DHRSX: variants seen among roughly 807,000 people sequenced by gnomAD.
The protein encoded by DHRSX is polyprenol dehydrogenase.
A neutral mutation model predicts 34.0 loss-of-function variants in DHRSX; 31 were observed. The ratio of observed to expected loss-of-function variants is 0.91; its 90% CI spans 0.69 to 1.23. The LOEUF (loss-of-function observed/expected upper bound fraction) is 1.23. Among genes scored for constraint, DHRSX ranks in the 50% most tolerant of loss-of-function variants. The pLI is 0.00. For missense variants in DHRSX, 414 were observed against 428.1 expected, an observed-to-expected ratio of 0.97 and a Z score of 0.29; for synonymous variants, 201 against 183.8, an observed-to-expected ratio of 1.09 and a Z score of -0.76.
At chrX:2,402,938 G>A (rs1461197661) in intron 3 of DHRSX, among the ~76,000 whole-genome samples, 6 of 145,252 alleles carry the variant, frequency 4.1e-5, no homozygotes, top group African/African-American at 7.7e-5. Context: ...GTTGGAGTGC[G>A]GTGGCACAAT....
At chrX:2,461,992 G>A (rs2044408644) in intron 1 of DHRSX, among the ~76,000 whole-genome samples, 1 of 152,132 alleles carries the variant, frequency 6.6e-6, no homozygotes. Context: ...GGCTGGCCAT[G>A]CAGCTGTTTT....
intron 3 of DHRSX, among the ~76,000 whole-genome samples, chrX:2,373,301 T>C (rs2043101848): frequency 6.6e-6 from 1 of 152,138 alleles, no homozygotes; most frequent in Admixed American, 6.5e-5. Flanking sequence ...AGCCATCCCA[T>C]CGTTACAGAG....
At chrX:2,449,259 G>T (rs1275312886) in intron 1 of DHRSX, among the ~76,000 whole-genome samples, 3 of 151,888 alleles carry the variant, frequency 2.0e-5, no homozygotes, top group Non-Finnish European at 4.4e-5. Context: ...ATCACACGAG[G>T]TCATCTCACA....
rs766504753 is a variant in DHRSX, at chrX:2,451,158, G to A, written c.110-25854C>T. Among the ~76,000 whole-genome samples, 4 of 151,902 alleles carry A rather than the reference G, an allele frequency of 2.6e-5. 1 individual carries two copies. The South Asian group carries it at 6.3e-4, about 24-fold the overall frequency. ...TGTGGCAGGAGAATCGCTTGAACCC[G>A]GGAGGCGGAGGGTGCAGTGAGCTGA... is the stretch of plus-strand genomic sequence containing the variant. On this transcript the variant is annotated intron_variant, in intron 1 of 6. Transcript: ENST00000334651.
chrX:2,291,516 A>T lies in DHRSX; in HGVS notation c.374T>A (p.Val125Asp), dbSNP rs746262016. The change falls in exon 4 of 7, where the codon GTC (valine) becomes GAC (aspartate). Residue 125 changes from valine to aspartate, a missense_variant. Physicochemically the swap from Val to Asp is radical, Grantham distance 152. Coordinates refer to ENST00000334651, the MANE Select transcript of DHRSX (RefSeq NM_145177.3). Reference sequence around the variant, plus strand: ...CCAGGACTCACCATTGTTGATCAGGACATGGAGAGGAATCTTCTTCATCTT... The same window carrying T: ...CCAGGACTCACCATTGTTGATCAGGTCATGGAGAGGAATCTTCTTCATCTT... ...KFKMKKIPLH[V>D]LINNAGVMMV... 6.2e-7 allele frequency: 1 copy of T among 1,613,730 alleles called. No homozygotes were observed. Among genetic ancestry groups the T allele is most frequent in the South Asian group, 1.1e-5 (1 of 91,066 alleles).
chrX:2,464,412 C>T (rs2044453161), intron 1 of DHRSX, among the ~76,000 whole-genome samples: 6 of 78,750 alleles, frequency 7.6e-5, no homozygotes, highest in Admixed American at 6.8e-4. Flanking sequence ...CTACCATATA[C>T]ACACTGAAGA....
rs775356500 is a variant in DHRSX, at chrX:2,220,441, G to C, written c.*600C>G. 6.5e-6 allele frequency: 1 copy of C among 152,944 alleles called. No homozygotes were observed. Among genetic ancestry groups the C allele is most frequent in the African/African-American group, 2.4e-5 (1 of 41,410 alleles). The allele number at this position is 152,944 out of a possible 1,614,324, so 9.5% of individuals were successfully genotyped here. On this transcript the variant is annotated 3_prime_UTR_variant, in exon 7 of 7. Transcript: ENST00000334651. ...ACCATTTGATCCATAGCTGTTCAGCGGTTTACATTCTCGGATTTGACAGTG... is the reference window on the plus strand; with the variant it reads ...ACCATTTGATCCATAGCTGTTCAGCCGTTTACATTCTCGGATTTGACAGTG...
intron 3 of DHRSX, among the ~76,000 whole-genome samples, chrX:2,357,077 C>G (rs375363790): frequency 6.6e-6 from 1 of 152,040 alleles, no homozygotes; most frequent in African/African-American, 2.4e-5. Flanking sequence ...AACCCCGTCT[C>G]TACTGAAAAT....
intron 5 of DHRSX, among the ~76,000 whole-genome samples, chrX:2,259,315 T>TATATAGATAGATATAG (rs2041323967): frequency 6.8e-6 from 1 of 146,760 alleles, no homozygotes; most frequent in Non-Finnish European, 1.5e-5. Flanking sequence ...TAGATATAGA[T>TATATAGATAGATATAG]ATATAGATAG....
At chrX:2,465,023 T>C (rs2044470501) in intron 1 of DHRSX, among the ~76,000 whole-genome samples, 1 of 151,540 alleles carries the variant, frequency 6.6e-6, no homozygotes, top group Admixed American at 6.6e-5. Flanking sequence ...TCCCTAAGAA[T>C]GCAGTCACAG....
chrX:2,390,644 T>G (rs1485722934), intron 3 of DHRSX, among the ~76,000 whole-genome samples: 2 of 152,166 alleles, frequency 1.3e-5, no homozygotes, highest in African/African-American at 4.8e-5. Flanking sequence ...CACCTTTTCC[T>G]CGCCCAACCC....
At chrX:2,318,230 G>A (rs1281006961) in intron 3 of DHRSX, among the ~76,000 whole-genome samples, 5 of 151,190 alleles carry the variant, frequency 3.3e-5, no homozygotes, top group Non-Finnish European at 7.4e-5. Context: ...TGTGGTGATG[G>A]TGGTGCATGC....
chrX:2,428,318 C>T (rs1453452785), intron 1 of DHRSX, among the ~76,000 whole-genome samples: 1 of 152,072 alleles, frequency 6.6e-6, no homozygotes, highest in Non-Finnish European at 1.5e-5. Flanking sequence ...ACGACACACA[C>T]ACGTATGTTT....
At chrX:2,351,427 T>A (rs1343876920) in intron 3 of DHRSX, among the ~76,000 whole-genome samples, 2 of 152,190 alleles carry the variant, frequency 1.3e-5, no homozygotes, top group Non-Finnish European at 1.5e-5. Flanking sequence ...ACATGAGCTC[T>A]GGCACTTGTC....
At chrX:2,451,447 G>C (rs1462741196) in intron 1 of DHRSX, among the ~76,000 whole-genome samples, 1 of 152,154 alleles carries the variant, frequency 6.6e-6, no homozygotes, top group Admixed American at 6.5e-5. Flanking sequence ...TTCAGGTTCT[G>C]AACCTCTGAT....
chrX:2,248,650 A>G (rs1449039176), intron 5 of DHRSX, among the ~76,000 whole-genome samples: 2 of 95,092 alleles, frequency 2.1e-5, no homozygotes, highest in Non-Finnish European at 6.8e-5. Context: ...AAAGAAAAAG[A>G]AAGAAAAGAA....
chrX:2,303,305 G>T (rs1187553566), intron 3 of DHRSX, among the ~76,000 whole-genome samples: 3 of 152,164 alleles, frequency 2.0e-5, no homozygotes, highest in South Asian at 2.1e-4. Flanking sequence ...AATCCGCAGT[G>T]TTGGAGGAGT....
rs1359065222 is a variant in DHRSX, at chrX:2,266,201, T to G, written c.596+539A>C. ...GCACTGTCCCCAGAGCACCAGTGCT[T>G]GGCAGACGCAGGGAGCACTGTCCCC... On this transcript the variant is annotated intron_variant, in intron 5 of 6. Transcript: ENST00000334651. 1.7e-4 allele frequency among the ~76,000 whole-genome samples: 8 copies of G among 47,440 alleles called. 1 individual carries two copies. In the East Asian group the frequency reaches 3.0e-3, roughly 18 times the overall value. 31.1% of individuals were successfully genotyped at this position (47,440 alleles called of 152,430 possible).
chrX:2,364,902 T>C (rs1391214279), intron 3 of DHRSX, among the ~76,000 whole-genome samples: 1 of 152,224 alleles, frequency 6.6e-6, no homozygotes, highest in Non-Finnish European at 1.5e-5. Flanking sequence ...CTAGCTATTA[T>C]CTATCTAGCT....
Sources: gnomAD v4.1 joint callset for allele counts (sites outside exome capture counted in the v4.1 genomes callset) on GRCh38, gnomAD v4.1.1 for gene constraint, MANE v1.5 for transcripts, NCBI Gene and HGNC (gene_info 2026-07-23, HGNC 2026-07-21) for gene names.